The following NONO variants were observed in gnomAD, a reference collection of about 807,000 sequenced individuals.
NONO encodes the protein non-POU domain containing octamer binding.
In NONO, 6 loss-of-function variants were observed where a neutral mutation model predicts 40.2. That is an observed-to-expected ratio of 0.15 (90% CI 0.08 to 0.29). The LOEUF (loss-of-function observed/expected upper bound fraction) is 0.29. Ranked by LOEUF, NONO falls within the 10% of genes least tolerant of loss-of-function variation. The probability of loss-of-function intolerance (pLI) is 1.00; values close to 1 mark genes in which losing one functional copy is unlikely to be tolerated. For synonymous variants in NONO, 89 were observed against 123.3 expected (o/e 0.72, Z 1.85); for missense variants, 133 against 397.8 (o/e 0.33, Z 5.66).
intron 2 of NONO, 135 bp downstream of exon 2, chrX:71,284,588 G>T (rs2031147731): frequency 8.9e-6 from 1 of 111,881 alleles, no homozygotes; most frequent in Non-Finnish European, 1.9e-5. Flanking sequence ...TTAATTGTGG[G>T]TTGTGTATTT....
Position 71,297,954 on chromosome X carries a change from G to T in NONO, c.1131+16G>T. On this transcript the variant is annotated intron_variant, in intron 9 of 11. Coordinates refer to ENST00000276079, the MANE Select transcript of NONO (RefSeq NM_007363.5). The stretch of plus-strand genomic sequence containing the variant: ...CCCTGATGCGGTATATCTCCCATGT[G>T]CCCGTGATGTACCAGACCAGTCCTG... 9.4e-7 allele frequency: 1 copy of T among 1,061,365 alleles called. No homozygotes were observed. Among genetic ancestry groups the T allele is most frequent in the Non-Finnish European group, 1.3e-6 (1 of 760,818 alleles). The allele number at this position is 1,061,365 out of a possible 1,213,427, so 87.5% of individuals were successfully genotyped here.
chrX:71,289,092 G>A (rs1354761528), intron 2 of NONO, among the ~76,000 whole-genome samples: 1 of 111,271 alleles, frequency 9.0e-6, no homozygotes, highest in Non-Finnish European at 1.9e-5. Context: ...ATGCTTAAAT[G>A]TGTGATGGGG....
intron 5 of NONO, among the ~76,000 whole-genome samples, chrX:71,296,186 G>A (rs933781961): frequency 2.1e-5 from 2 of 97,334 alleles, no homozygotes; most frequent in African/African-American, 4.0e-5. Flanking sequence ...TCTGTAGCCC[G>A]GGCTAGAGTG....
intron 4 of NONO, chrX:71,292,667 C>G (rs1307945219): frequency 8.9e-6 from 1 of 112,346 alleles, no homozygotes; most frequent in African/African-American, 3.2e-5. Context: ...AGATGGGTAT[C>G]TCACCATGTT....
At chrX:71,298,299 C>CT (rs982794247) in intron 9 of NONO, 170 bp from the exon 10 acceptor site, 1 of 497,947 alleles carries the variant, frequency 2.0e-6, no homozygotes, top group Non-Finnish European at 3.6e-6. Flanking sequence ...CCTAGTAGCT[C>CT]TGTGACCTTG....
In NONO at chrX:71,300,203, C is replaced by G. The variant is rs145755066; in HGVS notation, c.*127C>G. The G allele has an allele frequency of 2.5e-6, 2 of 796,995 alleles. No individual in the cohort carries two copies. The highest frequency in any genetic ancestry group is 2.4e-5 in the Admixed American group (1 of 40,943). 65.7% of individuals were successfully genotyped at this position (796,995 alleles called of 1,213,427 possible). A position where few individuals can be genotyped will look rare whatever the true frequency, so the allele number is the denominator to read the frequency against. On this transcript the variant is annotated 3_prime_UTR_variant, in exon 12 of 12. Transcript: ENST00000276079. ...TTAGATCTACCCTGCCTGTACTACT[C>G]TAGGGAGTATGCTGGAGGCAGAGGG...
At chrX:71,295,873 GA>G (rs892362687) in intron 5 of NONO, among the ~76,000 whole-genome samples, 1 of 112,003 alleles carries the variant, frequency 8.9e-6, no homozygotes, top group Non-Finnish European at 1.9e-5. Flanking sequence ...TGACGATTAT[GA>G]AAAATAACTT....
In NONO at chrX:71,298,751, G is replaced by T. The variant is rs1569241597; in HGVS notation, c.1216G>T (p.Val406Leu). 1 of 1,208,740 alleles carries T rather than the reference G, an allele frequency of 8.3e-7. No individual in the cohort carries two copies. Among genetic ancestry groups the T allele is most frequent in the Non-Finnish European group, 1.1e-6 (1 of 893,946 alleles). Residue 406 changes from valine to leucine, a missense_variant, in exon 11 of 12, where the codon GTG (valine) becomes TTG (leucine). This residue lies in a region of NONO where 73 missense variants were observed against 162.2 expected (regional missense o/e 0.45). Coordinates refer to ENST00000276079, the MANE Select transcript of NONO (RefSeq NM_007363.5). The stretch of plus-strand genomic sequence containing the variant: ...CAGAGGTGCCATGCCCCCTGCTCCT[G>T]TGCCAGCTGGTACCCCAGCTCCTCC... ...NNRGAMPPAP[V>L]PAGTPAPPGP...
chrX:71,292,007 A>G, intron 4 of NONO, 35 bp downstream of exon 4: 1 of 982,836 alleles, frequency 1.0e-6, no homozygotes, highest in Non-Finnish European at 1.4e-6. Flanking sequence ...CATGTGCTCT[A>G]AAGGTGGGGA....
intron 2 of NONO, chrX:71,285,077 T>C (rs2031159019): frequency 8.9e-6 from 1 of 112,373 alleles, no homozygotes; most frequent in African/African-American, 3.2e-5. Context: ...AAGTAGGTGA[T>C]AGGAAGAAAT....
chrX:71,291,758 T>C (rs2031332620), intron 3 of NONO, 21 bp from the exon 4 acceptor site: 1 of 1,124,809 alleles, frequency 8.9e-7, no homozygotes, highest in South Asian at 2.2e-5. Context: ...GTCTTTTAAG[T>C]GACTGTGTGT....
In NONO at chrX:71,285,992, A is replaced by G. The variant is rs747386698; in HGVS notation, c.-10+1539A>G. On this transcript the variant is annotated intron_variant, in intron 2 of 11. Transcript: ENST00000276079. ...ATTTATCATATCTCATTTCAAATAC[A>G]TAAATTAATGACTAGAAGGATATAC... Among the ~76,000 whole-genome samples, 16 of 112,374 alleles carry G rather than the reference A, an allele frequency of 1.4e-4. No individual in the cohort carries two copies. The South Asian group carries it at 5.4e-3, about 38-fold the overall frequency.
chrX:71,283,823 G>C (rs956966984), intron 1 of NONO, 102 bp downstream of exon 1: 14 of 111,784 alleles, frequency 1.3e-4, no homozygotes, highest in Middle Eastern at 4.6e-3. Flanking sequence ...TTGGAGGGTG[G>C]ATGGCGCTTC....
chrX:71,286,862 A>G (rs1457305987), intron 2 of NONO, among the ~76,000 whole-genome samples: 1 of 112,151 alleles, frequency 8.9e-6, no homozygotes, highest in African/African-American at 3.2e-5. Flanking sequence ...AAAGACTATG[A>G]ATTAACATCT....
At chrX:71,297,129 G>A in intron 7 of NONO, 82 bp downstream of exon 7, 1 of 876,854 alleles carries the variant, frequency 1.1e-6, no homozygotes, top group Non-Finnish European at 1.6e-6. Context: ...ATTAACAGAA[G>A]GGCCTACATC....
intron 2 of NONO, among the ~76,000 whole-genome samples, chrX:71,286,719 C>T (rs1302661111): frequency 1.8e-5 from 2 of 111,624 alleles, no homozygotes; most frequent in African/African-American, 6.5e-5. Context: ...AAAACCATTC[C>T]CCTAATTTTG....
chrX:71,298,427 C>T (rs762371539), intron 9 of NONO, 42 bp from the exon 10 acceptor site: 2 of 1,130,649 alleles, frequency 1.8e-6, no homozygotes, highest in Non-Finnish European at 2.4e-6. Context: ...TGGTAGAATG[C>T]ACTGCTGTCT....
intron 2 of NONO, among the ~76,000 whole-genome samples, chrX:71,286,020 A>G (rs2031180663): frequency 2.7e-5 from 3 of 112,136 alleles, no homozygotes; most frequent in South Asian, 7.2e-4. Context: ...GGATATACCA[A>G]CATGTTAACA....
At chrX:71,299,678 C>T (rs1210839397) in intron 11 of NONO, among the ~76,000 whole-genome samples, 1 of 110,500 alleles carries the variant, frequency 9.0e-6, no homozygotes, top group East Asian at 2.8e-4. Context: ...TGCAGTGGTG[C>T]AATCTTGGCT....
Sources: allele counts gnomAD v4.1 joint callset (sites outside exome capture counted in the v4.1 genomes callset), GRCh38; gene constraint gnomAD v4.1.1; regional missense constraint gnomAD v4.1.1; transcripts MANE v1.5; gene names NCBI Gene and HGNC (gene_info 2026-07-23, HGNC 2026-07-21).